Variants in MFN2 observed in about 807,000 individuals in gnomAD.
The protein encoded by MFN2 is mitofusin 2.
In MFN2, 43 loss-of-function variants were observed where a neutral mutation model predicts 87.5. The observed-to-expected ratio is 0.49, with a 90% confidence interval of 0.38 to 0.63. The LOEUF is 0.63. MFN2 is among the 30% of genes least tolerant of loss of function. The pLI is 0.00. For missense variants in MFN2, 743 were observed against 972.8 expected (o/e 0.76, Z 3.14); for synonymous variants, 337 against 359.9 (o/e 0.94, Z 0.72).
chr1:11,998,728 C>T (rs755618083), intron 6 of MFN2, 42 bp from the exon 7 acceptor site: 12 of 1,577,488 alleles, frequency 7.6e-6, no homozygotes, highest in Non-Finnish European at 6.1e-6. Flanking sequence ...GAATAGGGCT[C>T]CTGCTCTGCC....
chr1:11,988,490 T>C (rs1413202358), intron 2 of MFN2, among the ~76,000 whole-genome samples: 1 of 151,546 alleles, frequency 6.6e-6, no homozygotes, highest in Non-Finnish European at 1.5e-5. Context: ...CTGCCTGCCT[T>C]GGCCTCTCAA....
At chr1:11,998,416 T>C (rs932020628) in intron 6 of MFN2, among the ~76,000 whole-genome samples, 2 of 151,718 alleles carry the variant, frequency 1.3e-5, no homozygotes, top group African/African-American at 4.8e-5. Flanking sequence ...GGCATGGTGG[T>C]GCGTGCCTGT....
At chr1:12,009,537 C>T (rs548599216) in intron 17 of MFN2, 55 bp from the exon 18 acceptor site, 28 of 1,613,496 alleles carry the variant, frequency 1.7e-5, no homozygotes, top group Non-Finnish European at 2.4e-5. Context: ...GGCTAAGCCA[C>T]CAGTGGCATC....
intron 2 of MFN2, among the ~76,000 whole-genome samples, chr1:11,985,210 G>T (rs1638339625): frequency 1.3e-5 from 2 of 152,142 alleles, no homozygotes; most frequent in South Asian, 4.1e-4. Flanking sequence ...CCTCACATTT[G>T]GTCACAGAAG....
At chr1:11,994,316 C>T (rs1308131794) in intron 4 of MFN2, among the ~76,000 whole-genome samples, 2 of 152,270 alleles carry the variant, frequency 1.3e-5, no homozygotes, top group African/African-American at 4.8e-5. Flanking sequence ...TGACCAGGCA[C>T]GGTGGCTCAC....
chr1:11,981,492 T>G (rs1474592981), intron 1 of MFN2, among the ~76,000 whole-genome samples: 1 of 152,238 alleles, frequency 6.6e-6, no homozygotes, highest in Non-Finnish European at 1.5e-5. Flanking sequence ...CAAAGGGAGC[T>G]AATATTTCAG....
At position 11,981,230 on chromosome 1, in the gene MFN2, C is replaced by T. The variant is rs567182239; in HGVS notation, c.-149-740C>T. Among the ~76,000 whole-genome samples the T allele has an allele frequency of 2.6e-5, 4 of 152,316 alleles. No homozygotes were observed. In the South Asian group the frequency reaches 8.3e-4, roughly 32 times the overall value. Reference sequence around the variant, plus strand: ...TAGTTAAAAAAGGAAGGAGGCCGGTCGCAGTGGATCACACCTGTAATCCCA... The same window carrying T: ...TAGTTAAAAAAGGAAGGAGGCCGGTTGCAGTGGATCACACCTGTAATCCCA... On this transcript the variant is annotated intron_variant, in intron 1 of 18. Coordinates refer to ENST00000235329, the MANE Select transcript of MFN2 (RefSeq NM_014874.4).
chr1:11,981,024 G>T (rs1311883523), intron 1 of MFN2, among the ~76,000 whole-genome samples: 1 of 152,158 alleles, frequency 6.6e-6, no homozygotes, highest in East Asian at 1.9e-4. Context: ...ACGCACGAAG[G>T]CAGAACTGCC....
chr1:11,985,318 G>A (rs1429030953), intron 2 of MFN2, among the ~76,000 whole-genome samples: 7 of 152,108 alleles, frequency 4.6e-5, no homozygotes, highest in African/African-American at 1.7e-4. Flanking sequence ...TACACATGAA[G>A]AAACCAAGGT....
At chr1:12,008,278 G>A (rs913422806) in intron 17 of MFN2, among the ~76,000 whole-genome samples, 2 of 152,194 alleles carry the variant, frequency 1.3e-5, no homozygotes, top group African/African-American at 2.4e-5. Flanking sequence ...CCTCCCAGAC[G>A]GGGTGGTGGC....
At chr1:11,981,920 G>GTGTTTTT (rs1553139250) in intron 1 of MFN2, 50 bp from the exon 2 acceptor site, 1 of 138,006 alleles carries the variant, frequency 7.2e-6, no homozygotes, top group Non-Finnish European at 1.5e-5. Flanking sequence ...GTACACCAGT[G>GTGTTTTT]TTTTTTTTTT....
At chr1:12,010,735 A>T (rs1639656769) in intron 18 of MFN2, among the ~76,000 whole-genome samples, 1 of 152,294 alleles carries the variant, frequency 6.6e-6, no homozygotes. Flanking sequence ...TTTCATCTGT[A>T]AAATGGGAGT....
At position 12,006,679 on chromosome 1, in the gene MFN2, G is replaced by A. The variant is rs200936779; in HGVS notation, c.1858G>A (p.Val620Ile). ...LTSRTSMGIL[V>I]VGGVVWKAVG... is the part of the protein sequence containing the mutation. ...ATCCAGGACCTCCATGGGCATTCTTGTTGTTGGAGGAGTGGTCAGTGACCA... is the reference window on the plus strand; with the variant it reads ...ATCCAGGACCTCCATGGGCATTCTTATTGTTGGAGGAGTGGTCAGTGACCA... The change falls in exon 16 of 19, where the codon GTT becomes ATT. Residue 620 changes from valine (V) to isoleucine (I), a missense_variant. By Grantham distance (29) the Val-to-Ile change is conservative. Coordinates refer to ENST00000235329, the MANE Select transcript of MFN2 (RefSeq NM_014874.4). 8 of 1,610,956 alleles carry A rather than the reference G, an allele frequency of 5.0e-6. No homozygotes were observed. Among genetic ancestry groups the A allele is most frequent in the East Asian group, 2.2e-5 (1 of 44,724 alleles).
intron 11 of MFN2, 42 bp downstream of exon 11, chr1:12,002,145 G>A (rs1445737982): frequency 6.2e-7 from 1 of 1,613,782 alleles, no homozygotes; most frequent in Non-Finnish European, 8.5e-7. Context: ...GAGCTGCCGA[G>A]ACAAGGGTGC....
chr1:11,998,771 C>G lies in MFN2; in HGVS notation c.601C>G (p.Pro201Ala). ...TTGGTTTACCCCTGTCACCTTTAGC[C>G]CTGGTATTGATGTCACCACAGAGCT... ...LKDDLVLMDS[P>A]GIDVTTELDS... The change falls in exon 7 of 19, where the codon CCT (proline) becomes GCT (alanine). Residue 201 changes from proline (P) to alanine (A), a missense_variant and splice_region_variant. Around this residue, in one of 3 missense-constraint regions of MFN2, gnomAD observed 141 missense variants for 278.9 expected, o/e 0.51. Transcript: ENST00000235329. 1 of 1,613,974 alleles carries G rather than the reference C, an allele frequency of 6.2e-7. No homozygotes were observed. Among genetic ancestry groups the G allele is most frequent in the Non-Finnish European group, 8.5e-7 (1 of 1,179,878 alleles).
At chr1:11,999,830 C>G (rs1048205450) in intron 8 of MFN2, among the ~76,000 whole-genome samples, 1 of 151,928 alleles carries the variant, frequency 6.6e-6, no homozygotes, top group Non-Finnish European at 1.5e-5. Context: ...CGCGGTGGCT[C>G]ACGCCTGTAA....
intron 2 of MFN2, among the ~76,000 whole-genome samples, chr1:11,982,895 A>G (rs1482207590): frequency 6.6e-6 from 1 of 152,166 alleles, no homozygotes; most frequent in African/African-American, 2.4e-5. Context: ...TTTAAAAGCT[A>G]TTACACAGAA....
At chr1:11,997,901 T>TTTTGG (rs1330867482) in intron 6 of MFN2, among the ~76,000 whole-genome samples, 1 of 146,142 alleles carries the variant, frequency 6.8e-6, no homozygotes, top group Non-Finnish European at 1.5e-5. Flanking sequence ...TTTTTTTTTT[T>TTTTGG]GAGACAGAGT....
Position 11,989,486 on chromosome 1 carries a change from G to A in MFN2, c.175+143G>A, listed in dbSNP as rs1266635435. 8.8e-5 allele frequency: 86 copies of A among 977,164 alleles called. 1 individual carries two copies. The East Asian group carries it at 2.2e-3, about 25-fold the overall frequency. The allele number at this position is 977,164 out of a possible 1,614,324, so 60.5% of individuals were successfully genotyped here. On this transcript the variant is annotated intron_variant, in intron 3 of 18. Coordinates refer to ENST00000235329, the MANE Select transcript of MFN2 (RefSeq NM_014874.4). ...AGAAATGCTCTGCTCTTGAAATCATGTGGAATTGGAGTCTGGGGAGATGAG... is the reference window on the plus strand; with the variant it reads ...AGAAATGCTCTGCTCTTGAAATCATATGGAATTGGAGTCTGGGGAGATGAG...
Sources: allele counts gnomAD v4.1 joint callset (sites outside exome capture counted in the v4.1 genomes callset), GRCh38; gene constraint gnomAD v4.1.1; regional missense constraint gnomAD v4.1.1; transcripts MANE v1.5; gene names NCBI Gene and HGNC (gene_info 2026-07-23, HGNC 2026-07-21).